The following LRMDA variants were observed in gnomAD, a reference collection of about 807,000 sequenced individuals.
The protein encoded by LRMDA is leucine-rich melanocyte differentiation-associated protein.
Under a neutral mutation model 29.8 loss-of-function variants are expected in LRMDA, and 18 were observed. The ratio of observed to expected loss-of-function variants is 0.60; its 90% CI spans 0.42 to 0.90. The LOEUF (loss-of-function observed/expected upper bound fraction) is 0.90. Ranked by LOEUF, LRMDA falls within the 40% of genes least tolerant of loss-of-function variation. The pLI is 0.00. For synonymous variants in LRMDA, 125 were observed against 109.4 expected, an observed-to-expected ratio of 1.14 and a Z score of -0.89; for missense variants, 273 against 273.9, an observed-to-expected ratio of 1.00 and a Z score of 0.02.
At chr10:75,848,034 C>T (rs1844670578) in intron 2 of LRMDA, among the ~76,000 whole-genome samples, 1 of 152,110 alleles carries the variant, frequency 6.6e-6, no homozygotes, top group Non-Finnish European at 1.5e-5. Flanking sequence ...GTAGAATTAC[C>T]TTATGATCTA....
At chr10:75,725,347 C>T (rs1424412940) in intron 2 of LRMDA, among the ~76,000 whole-genome samples, 1 of 152,230 alleles carries the variant, frequency 6.6e-6, no homozygotes, top group Non-Finnish European at 1.5e-5. Context: ...GAGGCTGGGA[C>T]AGCAGAAGTG....
intron 6 of LRMDA, among the ~76,000 whole-genome samples, chr10:76,352,598 G>T (rs1380421682): frequency 1.3e-5 from 2 of 152,046 alleles, no homozygotes; most frequent in Non-Finnish European, 1.5e-5. Flanking sequence ...ATGGATTGTT[G>T]ATTTCTGGAA....
intron 2 of LRMDA, among the ~76,000 whole-genome samples, chr10:75,646,211 T>C (rs975202237): frequency 2.6e-5 from 4 of 152,236 alleles, no homozygotes; most frequent in Non-Finnish European, 4.4e-5. Context: ...CTGGTTTTGA[T>C]GCAGTTGTCA....
chr10:76,265,139 C>T (rs568263105), intron 5 of LRMDA, among the ~76,000 whole-genome samples: 5 of 152,270 alleles, frequency 3.3e-5, no homozygotes, highest in African/African-American at 7.2e-5. Context: ...TGACTGAGTG[C>T]GTGAACAGCA....
intron 2 of LRMDA, among the ~76,000 whole-genome samples, chr10:75,443,147 C>CA (rs1399824304): frequency 6.6e-6 from 1 of 152,140 alleles, no homozygotes; most frequent in Non-Finnish European, 1.5e-5. Flanking sequence ...ATGTCATCTG[C>CA]AAACAGAGAC....
intron 2 of LRMDA, among the ~76,000 whole-genome samples, chr10:75,779,958 C>T (rs1481744197): frequency 6.6e-6 from 1 of 152,090 alleles, no homozygotes; most frequent in Non-Finnish European, 1.5e-5. Context: ...ACCCTAGATC[C>T]AAAAACTGGT....
chr10:76,389,450 T>C (rs1841697881), intron 6 of LRMDA, among the ~76,000 whole-genome samples: 1 of 152,218 alleles, frequency 6.6e-6, no homozygotes, highest in African/African-American at 2.4e-5. Flanking sequence ...TTTATTAGCA[T>C]TTGCCTTTTT....
intron 6 of LRMDA, among the ~76,000 whole-genome samples, chr10:76,337,719 T>A (rs1364212926): frequency 6.6e-6 from 1 of 152,146 alleles, no homozygotes; most frequent in Non-Finnish European, 1.5e-5. Context: ...TGGTGATTCA[T>A]GAATCAGGCA....
chr10:75,554,777 T>C (rs1201927736), intron 2 of LRMDA, among the ~76,000 whole-genome samples: 3 of 152,216 alleles, frequency 2.0e-5, no homozygotes, highest in Admixed American at 2.0e-4. Context: ...GTTAACATCT[T>C]TCTTTGAGGC....
At chr10:75,871,115 C>T (rs571134182) in intron 2 of LRMDA, among the ~76,000 whole-genome samples, 1 of 152,296 alleles carries the variant, frequency 6.6e-6, no homozygotes, top group East Asian at 1.9e-4. Flanking sequence ...TGACCATTTC[C>T]CCTAGCTGTT....
chr10:76,524,459 G>A (rs1194925333), intron 6 of LRMDA, among the ~76,000 whole-genome samples: 1 of 152,190 alleles, frequency 6.6e-6, no homozygotes, highest in Non-Finnish European at 1.5e-5. Flanking sequence ...ATGGTTATTA[G>A]TGAAAACAAG....
chr10:75,878,488 A>G (rs1443930753), intron 2 of LRMDA, among the ~76,000 whole-genome samples: 1 of 151,678 alleles, frequency 6.6e-6, no homozygotes, highest in Admixed American at 6.6e-5. Flanking sequence ...ATCCCGCCTC[A>G]AAGGCCTTGT....
intron 2 of LRMDA, among the ~76,000 whole-genome samples, chr10:75,958,867 G>A (rs142740394): frequency 1.3e-5 from 2 of 152,286 alleles, no homozygotes; most frequent in Non-Finnish European, 2.9e-5. Flanking sequence ...AAGGTGAAAG[G>A]CACATCGTAC....
At chr10:76,507,662 T>C (rs1487676069) in intron 6 of LRMDA, among the ~76,000 whole-genome samples, 1 of 152,130 alleles carries the variant, frequency 6.6e-6, no homozygotes, top group Admixed American at 6.5e-5. Context: ...ATTTTTATTT[T>C]ATTTTTGTAT....
At chr10:75,971,333 G>A (rs1366173278) in intron 2 of LRMDA, among the ~76,000 whole-genome samples, 1 of 152,128 alleles carries the variant, frequency 6.6e-6, no homozygotes, top group Non-Finnish European at 1.5e-5. Context: ...GGTGATTATG[G>A]GGCCTTCTCT....
At chr10:75,594,892 GT>G (rs992905215) in intron 2 of LRMDA, among the ~76,000 whole-genome samples, 5 of 152,034 alleles carry the variant, frequency 3.3e-5, no homozygotes, top group African/African-American at 1.2e-4. Flanking sequence ...GAGACTCCCT[GT>G]TTTTTCCTAT....
intron 6 of LRMDA, among the ~76,000 whole-genome samples, chr10:76,456,148 A>G (rs1295802336): frequency 6.6e-6 from 1 of 152,176 alleles, no homozygotes. Flanking sequence ...TGTCATCTAA[A>G]ATAAGGAACA....
chr10:76,262,383 T>C (rs1362108748), intron 5 of LRMDA, among the ~76,000 whole-genome samples: 1 of 152,224 alleles, frequency 6.6e-6, no homozygotes, highest in Non-Finnish European at 1.5e-5. Context: ...CAACATGCTT[T>C]ATTTTCTGAA....
intron 6 of LRMDA, among the ~76,000 whole-genome samples, chr10:76,543,019 C>T (rs538049978): frequency 2.6e-4 from 39 of 152,208 alleles, no homozygotes; most frequent in Admixed American, 8.5e-4. Flanking sequence ...TCTTAGGGTG[C>T]GCAGGGTGTG....
Sources: gnomAD v4.1 joint callset for allele counts (sites outside exome capture counted in the v4.1 genomes callset) on GRCh38, gnomAD v4.1.1 for gene constraint, MANE v1.5 for transcripts, NCBI Gene and HGNC (gene_info 2026-07-23, HGNC 2026-07-21) for gene names.